TBC1D22A: variants seen among roughly 807,000 people sequenced by gnomAD.
TBC1D22A encodes TBC1 domain family member 22A, also known as putative GTPase activator.
TBC1D22A carries 38 observed loss-of-function variants against 60.2 expected under a neutral mutation model. That is an observed-to-expected ratio of 0.63 (90% CI 0.49 to 0.83). TBC1D22A has a LOEUF of 0.83. TBC1D22A is among the 40% of genes least tolerant of loss of function. TBC1D22A has a pLI of 0.00. For missense variants in TBC1D22A, 628 were observed against 701.0 expected, an observed-to-expected ratio of 0.90 and a Z score of 1.18; for synonymous variants, 302 against 281.7, an observed-to-expected ratio of 1.07 and a Z score of -0.72.
intron 9 of TBC1D22A, among the ~76,000 whole-genome samples, chr22:46,995,234 G>A (rs975612333): frequency 7.9e-5 from 12 of 152,118 alleles, no homozygotes; most frequent in African/African-American, 2.4e-4. Context: ...CAAGGTCACC[G>A]GAGGGCCTTG....
At chr22:46,774,475 G>A (rs1039428734) in intron 1 of TBC1D22A, among the ~76,000 whole-genome samples, 10 of 152,238 alleles carry the variant, frequency 6.6e-5, no homozygotes, top group African/African-American at 2.2e-4. Context: ...GAAGGGGCAC[G>A]TAGGCCCTTT....
At position 46,990,604 on chromosome 22, in the gene TBC1D22A, C is replaced by A. The variant is rs529989064; in HGVS notation, c.1126-7030C>A. 1.3e-5 allele frequency among the ~76,000 whole-genome samples: 2 copies of A among 152,140 alleles called. No individual in the cohort carries two copies. Among genetic ancestry groups the A allele is most frequent in the Admixed American group, 1.3e-4 (2 of 15,274 alleles). ...TGACATGAGTCCACCAAGAAAGTGT[C>A]GCACAGTGTCGTCCCCTGCCCTGAA... is the stretch of plus-strand genomic sequence containing the variant. On this transcript the variant is annotated intron_variant, in intron 9 of 12. Transcript: ENST00000337137. This position sits in a 1 kb window ranked among gnomAD's most constrained non-coding sequence, Gnocchi z 4.6.
intron 8 of TBC1D22A, among the ~76,000 whole-genome samples, chr22:46,938,612 G>A (rs1351468380): frequency 6.8e-6 from 1 of 146,856 alleles, no homozygotes; most frequent in Non-Finnish European, 1.5e-5. Flanking sequence ...TTGAGGTGGA[G>A]TCTTGCTCTG....
At chr22:46,881,232 G>C (rs532674528) in intron 5 of TBC1D22A, among the ~76,000 whole-genome samples, 1 of 152,150 alleles carries the variant, frequency 6.6e-6, no homozygotes, top group Non-Finnish European at 1.5e-5. Context: ...AAGAGCCGTT[G>C]GTTGGTTCAT....
Position 46,868,534 on chromosome 22 carries a change from G to A in TBC1D22A, c.638-10119G>A, listed in dbSNP as rs898238100. Among the ~76,000 whole-genome samples the A allele has an allele frequency of 3.9e-5, 6 of 152,038 alleles. No homozygotes were observed. The East Asian group carries it at 7.7e-4, about 20-fold the overall frequency. On this transcript the variant is annotated intron_variant, in intron 4 of 12. Transcript: ENST00000337137. Reference sequence around the variant, plus strand: ...CTTTTTGGATAAGGGAGACTCAACCGGCAGTATAAGATTTGTACTGGAAAG... The same window carrying A: ...CTTTTTGGATAAGGGAGACTCAACCAGCAGTATAAGATTTGTACTGGAAAG...
At chr22:46,824,823 A>G (rs2085980301) in intron 4 of TBC1D22A, among the ~76,000 whole-genome samples, 1 of 152,136 alleles carries the variant, frequency 6.6e-6, no homozygotes, top group Non-Finnish European at 1.5e-5. Flanking sequence ...GGATGGGGCA[A>G]CTTGGAGAGG....
chr22:47,169,698 G>T (rs1200481030), intron 12 of TBC1D22A, among the ~76,000 whole-genome samples: 1 of 152,200 alleles, frequency 6.6e-6, no homozygotes, highest in East Asian at 1.9e-4. Flanking sequence ...TGAGATGGTG[G>T]TGCCCCAGGG....
chr22:47,007,697 G>A (rs6008018), intron 10 of TBC1D22A, among the ~76,000 whole-genome samples: 4,606 of 151,364 alleles, frequency 0.03, 211 homozygotes, highest in African/African-American at 0.097. Context: ...TGGGGGTAGC[G>A]GTGGTGGGGA....
At chr22:47,165,061 C>T (rs1431871111) in intron 12 of TBC1D22A, among the ~76,000 whole-genome samples, 1 of 152,170 alleles carries the variant, frequency 6.6e-6, no homozygotes, top group Non-Finnish European at 1.5e-5. Flanking sequence ...CTCCACAGGG[C>T]AGGGGGTGGA....
intron 7 of TBC1D22A, among the ~76,000 whole-genome samples, chr22:46,897,640 G>GTTTTTTTGTTTTTTTTTTTTTTTTTTT (rs1569189469): frequency 9.2e-6 from 1 of 108,378 alleles, no homozygotes; most frequent in African/African-American, 4.2e-5. Flanking sequence ...GTTTCGTTTT[G>GTTTTTTTGTTTTTTTTTTTTTTTTTTT]TTTTTTTTTG....
intron 8 of TBC1D22A, among the ~76,000 whole-genome samples, chr22:46,920,052 T>TA (rs1390289563): frequency 3.6e-5 from 4 of 111,438 alleles, no homozygotes; most frequent in African/African-American, 1.8e-4. Context: ...TATATATGTG[T>TA]TTGTTTGTAT....
intron 2 of TBC1D22A, 104 bp from the exon 3 acceptor site, chr22:46,793,397 G>A (rs766760365): frequency 1.3e-4 from 149 of 1,129,098 alleles, no homozygotes; most frequent in Non-Finnish European, 1.9e-4. Context: ...CTAGATCAAA[G>A]CTGAACACTT....
Position 47,130,329 on chromosome 22 carries a change from C to A in TBC1D22A, c.1425+18726C>A, listed in dbSNP as rs571857076. 1.1e-4 allele frequency among the ~76,000 whole-genome samples: 16 copies of A among 152,274 alleles called. No individual in the cohort carries two copies. In the South Asian group the frequency reaches 2.3e-3, roughly 22 times the overall value. ...CAGGACACCCCCTCCTGCCGGGCTC[C>A]CCCCAAGCGCAGCCCCCTTCCCAAA... On this transcript the variant is annotated intron_variant, in intron 12 of 12. Transcript: ENST00000337137.
chr22:46,969,788 G>A (rs972182670), intron 8 of TBC1D22A, among the ~76,000 whole-genome samples: 4 of 152,180 alleles, frequency 2.6e-5, no homozygotes, highest in African/African-American at 9.7e-5. Flanking sequence ...GCTGCCCCTT[G>A]TAGGGAGGTG....
Position 47,018,865 on chromosome 22 carries a change from TGGA to T in TBC1D22A, c.1202-18202_1202-18200del, listed in dbSNP as rs1333666536. On this transcript the variant is annotated intron_variant, in intron 10 of 12. Coordinates refer to ENST00000337137, the MANE Select transcript of TBC1D22A (RefSeq NM_014346.5). ...CCCTCGCCTGTCACTCACATTTTTC[TGGA>T]GGAATTCAGTATGTGGCATACTTAA... 5.9e-5 allele frequency among the ~76,000 whole-genome samples: 9 copies of T among 152,330 alleles called. No individual in the cohort carries two copies. In the East Asian group the frequency reaches 1.5e-3, roughly 26 times the overall value.
intron 10 of TBC1D22A, among the ~76,000 whole-genome samples, chr22:47,031,051 A>G (rs535850082): frequency 1.3e-5 from 2 of 152,352 alleles, no homozygotes; most frequent in East Asian, 3.9e-4. Context: ...CATGGGCTCC[A>G]GAATCAAGCC....
At chr22:46,905,053 C>T (rs868384831) in intron 7 of TBC1D22A, among the ~76,000 whole-genome samples, 9 of 152,218 alleles carry the variant, frequency 5.9e-5, no homozygotes, top group Admixed American at 1.3e-4. Context: ...GGATTACAGG[C>T]GTGAGCCACC....
At chr22:46,909,565 G>A (rs1281524594) in intron 7 of TBC1D22A, among the ~76,000 whole-genome samples, 1 of 152,204 alleles carries the variant, frequency 6.6e-6, no homozygotes, top group Non-Finnish European at 1.5e-5. Flanking sequence ...AGGAGGTGCT[G>A]GGCAGAGTTT....
At chr22:47,033,092 T>C (rs1468987177) in intron 10 of TBC1D22A, among the ~76,000 whole-genome samples, 2 of 152,270 alleles carry the variant, frequency 1.3e-5, no homozygotes, top group African/African-American at 4.8e-5. Flanking sequence ...AGTCATTTTC[T>C]AAACAGCTGG....
Sources: allele counts gnomAD v4.1 joint callset (sites outside exome capture counted in the v4.1 genomes callset), GRCh38; gene constraint gnomAD v4.1.1; non-coding constraint Gnocchi (gnomAD v3.1); transcripts MANE v1.5; gene names NCBI Gene and HGNC (gene_info 2026-07-23, HGNC 2026-07-21).